ERBB4: variants seen among roughly 807,000 people sequenced by gnomAD.
The protein encoded by ERBB4 is erb-b2 receptor tyrosine kinase 4, also known as receptor tyrosine-protein kinase erbB-4.
ERBB4 carries 42 observed loss-of-function variants against 158.0 expected under a neutral mutation model. The observed-to-expected ratio is 0.27, with a 90% CI of 0.21 to 0.34. The LOEUF is 0.34. Ranked by LOEUF, ERBB4 falls within the 10% of genes least tolerant of loss-of-function variation. The pLI is 1.00. For missense variants in ERBB4, 1,333 were observed against 1,624.1 expected (o/e 0.82, Z 3.08); for synonymous variants, 583 against 558.7 (o/e 1.04, Z -0.61).
intron 16 of ERBB4, among the ~76,000 whole-genome samples, chr2:211,654,059 T>A (rs114476678): frequency 0.023 from 3,447 of 152,300 alleles, 122 homozygotes; most frequent in African/African-American, 0.077. Context: ...TGAAAAACTA[T>A]GATGACATTT....
chr2:211,588,815 G>A (rs893062020), intron 19 of ERBB4, among the ~76,000 whole-genome samples: 1 of 151,912 alleles, frequency 6.6e-6, no homozygotes, highest in Non-Finnish European at 1.5e-5. Flanking sequence ...GGCACTGAAA[G>A]GCAGATTGAG....
chr2:211,599,916 G>C (rs756243262), intron 19 of ERBB4, among the ~76,000 whole-genome samples: 127 of 152,254 alleles, frequency 8.3e-4, no homozygotes, highest in Non-Finnish European at 1.3e-3. Context: ...ACTACCTTAA[G>C]TAAAGTTATA....
intron 1 of ERBB4, among the ~76,000 whole-genome samples, chr2:212,480,177 T>C (rs1689616663): frequency 6.6e-6 from 1 of 152,188 alleles, no homozygotes; most frequent in African/African-American, 2.4e-5. Flanking sequence ...AAAAATATTT[T>C]ATCTATTCAA....
At chr2:211,951,256 C>A (rs1335962017) in intron 2 of ERBB4, among the ~76,000 whole-genome samples, 3 of 152,060 alleles carry the variant, frequency 2.0e-5, no homozygotes, top group African/African-American at 7.2e-5. Context: ...ACAGAGAAAA[C>A]ACAGATGAAG....
chr2:212,141,831 TTCC>T (rs1306385814), intron 1 of ERBB4, among the ~76,000 whole-genome samples: 113 of 152,296 alleles, frequency 7.4e-4, no homozygotes, highest in African/African-American at 2.6e-3. Context: ...TCTTCTTGTC[TTCC>T]TCAAGTATAT....
intron 2 of ERBB4, among the ~76,000 whole-genome samples, chr2:212,053,847 G>A (rs775811593): frequency 1.3e-5 from 2 of 152,126 alleles, no homozygotes; most frequent in Non-Finnish European, 2.9e-5. Context: ...GGGTTTTTAT[G>A]ATGCCAACTT....
chr2:212,332,749 T>G (rs1047187728), intron 1 of ERBB4, among the ~76,000 whole-genome samples: 5 of 151,974 alleles, frequency 3.3e-5, no homozygotes, highest in African/African-American at 1.2e-4. Context: ...ATCTCGAAAC[T>G]TAGAGTAATA....
At chr2:212,402,502 T>C (rs1314261577) in intron 1 of ERBB4, among the ~76,000 whole-genome samples, 1 of 152,072 alleles carries the variant, frequency 6.6e-6, no homozygotes, top group Non-Finnish European at 1.5e-5. Context: ...CAAAGAAAAC[T>C]TGAGAAACCT....
In ERBB4 at chr2:211,861,240, C is replaced by T. The variant is rs1238241518; in HGVS notation, c.422-73081G>A. ...AGTGCAGTGGTGTGATTATGGCTCA[C>T]TGCAGCCTCCACCTTCTGGGCTCAA... On this transcript the variant is annotated intron_variant, in intron 3 of 27. Coordinates refer to ENST00000342788, the MANE Select transcript of ERBB4 (RefSeq NM_005235.3). Among the ~76,000 whole-genome samples, 14 of 133,912 alleles carry T rather than the reference C, an allele frequency of 1.0e-4. No individual in the cohort carries two copies. The East Asian group carries it at 2.9e-3, about 27-fold the overall frequency. The allele number at this position is 133,912 out of a possible 152,430, so 87.9% of individuals were successfully genotyped here.
intron 15 of ERBB4, among the ~76,000 whole-genome samples, chr2:211,663,098 G>T (rs2071494182): frequency 6.6e-6 from 1 of 152,116 alleles, no homozygotes; most frequent in African/African-American, 2.4e-5. Context: ...TGACTGCACA[G>T]AACACCTTAT....
chr2:211,621,889 T>A (rs2069619246), intron 18 of ERBB4, among the ~76,000 whole-genome samples: 1 of 152,198 alleles, frequency 6.6e-6, no homozygotes, highest in Admixed American at 6.6e-5. Flanking sequence ...AATATTTTTC[T>A]ACTGACTTGT....
At chr2:212,410,556 A>G (rs2091467269) in intron 1 of ERBB4, among the ~76,000 whole-genome samples, 1 of 152,090 alleles carries the variant, frequency 6.6e-6, no homozygotes, top group Non-Finnish European at 1.5e-5. Context: ...TATCTACAGC[A>G]TGAAATGCAT....
At chr2:211,512,826 CA>C (rs1274502181) in intron 20 of ERBB4, among the ~76,000 whole-genome samples, 4 of 152,066 alleles carry the variant, frequency 2.6e-5, no homozygotes, top group African/African-American at 9.7e-5. Context: ...TCTCTGCATG[CA>C]GAAATTAATA....
chr2:211,657,854 C>T (rs2071276370), intron 15 of ERBB4, 26 bp from the exon 16 acceptor site: 1 of 1,609,594 alleles, frequency 6.2e-7, no homozygotes, highest in South Asian at 1.1e-5. Context: ...GAACAGAAAA[C>T]ATCATTCTCC....
chr2:211,577,060 C>T (rs2067913976), intron 19 of ERBB4, among the ~76,000 whole-genome samples: 1 of 152,096 alleles, frequency 6.6e-6, no homozygotes, highest in Non-Finnish European at 1.5e-5. Context: ...ATAATGGGAA[C>T]TATAATGCCT....
intron 1 of ERBB4, among the ~76,000 whole-genome samples, chr2:212,469,384 T>A (rs74460646): frequency 0.018 from 2,686 of 152,264 alleles, 74 homozygotes; most frequent in African/African-American, 0.06. Context: ...TAGGACAAAT[T>A]TAAATGGATT....
chr2:212,463,290 G>T (rs1265974041), intron 1 of ERBB4, among the ~76,000 whole-genome samples: 2 of 152,054 alleles, frequency 1.3e-5, no homozygotes, highest in Non-Finnish European at 2.9e-5. Flanking sequence ...AAATGTTTGA[G>T]GTGATGAATA....
At chr2:211,824,947 C>A (rs893755169) in intron 3 of ERBB4, among the ~76,000 whole-genome samples, 39 of 151,794 alleles carry the variant, frequency 2.6e-4, no homozygotes, top group African/African-American at 8.9e-4. Flanking sequence ...ACATTCTACA[C>A]TAGGGTACAG....
In ERBB4 at chr2:211,376,055, A is replaced by G. The variant is rs917167536; in HGVS notation, c.*7560T>C. 2 of 232,992 alleles carry G rather than the reference A, an allele frequency of 8.6e-6. No homozygotes were observed. Among genetic ancestry groups the G allele is most frequent in the Non-Finnish European group, 1.7e-5 (2 of 117,718 alleles). 14.4% of individuals were successfully genotyped at this position (232,992 alleles called of 1,614,324 possible). On this transcript the variant is annotated 3_prime_UTR_variant, in exon 28 of 28. Transcript: ENST00000342788. ...AAGAAAGAATAAGAGAAAGTATACT[A>G]AAAATATGCCTAACATTAAAAAAGT...
Sources: gnomAD v4.1 joint callset for allele counts (sites outside exome capture counted in the v4.1 genomes callset) on GRCh38, gnomAD v4.1.1 for gene constraint, MANE v1.5 for transcripts, NCBI Gene and HGNC (gene_info 2026-07-23, HGNC 2026-07-21) for gene names.